The following TCF4 variants were observed in gnomAD, a reference collection of about 807,000 sequenced individuals.
TCF4 encodes transcription factor 4.
A neutral mutation model predicts 82.1 loss-of-function variants in TCF4; 3 were observed. That is an observed-to-expected ratio of 0.04 (90% CI 0.02 to 0.09). TCF4 has a LOEUF of 0.09. Among genes scored for constraint, TCF4 ranks in the 10% least tolerant of loss-of-function variants. TCF4 has a pLI of 1.00. For synonymous variants in TCF4, 276 were observed against 309.6 expected (o/e 0.89, Z 1.14); for missense variants, 518 against 852.7 (o/e 0.61, Z 4.89).
At chr18:55,513,251 T>C (rs1005462448) in intron 3 of TCF4, among the ~76,000 whole-genome samples, 2 of 152,142 alleles carry the variant, frequency 1.3e-5, no homozygotes, top group Admixed American at 1.3e-4. Context: ...ATAATTCCCA[T>C]GGGTTCTTTA....
intron 8 of TCF4, among the ~76,000 whole-genome samples, chr18:55,300,368 T>C (rs971914370): frequency 6.7e-6 from 1 of 148,298 alleles, no homozygotes; most frequent in African/African-American, 2.5e-5. Flanking sequence ...GTGGGCCACA[T>C]GTTCCTGGCG....
At chr18:55,634,226 G>T (rs2097734093) in intron 1 of TCF4, among the ~76,000 whole-genome samples, 1 of 151,890 alleles carries the variant, frequency 6.6e-6, no homozygotes, top group Non-Finnish European at 1.5e-5. Flanking sequence ...CCAAGATTGT[G>T]CCACTGCACT....
intron 8 of TCF4, among the ~76,000 whole-genome samples, chr18:55,348,140 G>A (rs2081579306): frequency 6.6e-6 from 1 of 152,134 alleles, no homozygotes. Context: ...AAGCCATGTG[G>A]ATCTTGTTGT....
intron 6 of TCF4, among the ~76,000 whole-genome samples, chr18:55,380,784 G>C (rs967359106): frequency 6.6e-6 from 1 of 152,176 alleles, no homozygotes; most frequent in Non-Finnish European, 1.5e-5. Flanking sequence ...CCCACGCAAT[G>C]CCTAAATATT....
intron 3 of TCF4, among the ~76,000 whole-genome samples, chr18:55,522,864 T>C (rs980845184): frequency 6.6e-6 from 1 of 152,048 alleles, no homozygotes; most frequent in Non-Finnish European, 1.5e-5. Flanking sequence ...CAAATTAAAA[T>C]GTACACTACA....
rs74182107 is a variant in TCF4, at chr18:55,617,811, CTGTGTGTGTGTGTGTGTG to C, written c.286+13469_286+13486del. ...ACTTTAGTGAATTCATTAATTCTAA[CTGTGTGTGTGTGTGTGTG>C]TGTGTGTGTGTGTGTGTGTGTAGTC... On this transcript the variant is annotated intron_variant, in intron 2 of 20. Coordinates refer to the TCF4 transcript ENST00000398339. 3.6e-5 allele frequency among the ~76,000 whole-genome samples: 5 copies of C among 140,682 alleles called. No homozygotes were observed. In the East Asian group the frequency reaches 8.5e-4, roughly 24 times the overall value. 92.3% of individuals were successfully genotyped at this position (140,682 alleles called of 152,430 possible). A position where few individuals can be genotyped will look rare whatever the true frequency, so the allele number is the denominator to read the frequency against.
chr18:55,399,318 C>T (rs1413220475), intron 6 of TCF4, among the ~76,000 whole-genome samples: 2 of 152,100 alleles, frequency 1.3e-5, no homozygotes, highest in Admixed American at 6.6e-5. Flanking sequence ...ATGTTTCCTC[C>T]CTGGTCTCCA....
intron 7 of TCF4, among the ~76,000 whole-genome samples, chr18:55,350,658 A>G (rs575106949): frequency 6.6e-6 from 1 of 152,158 alleles, no homozygotes; most frequent in Admixed American, 6.5e-5. Flanking sequence ...AGAGAAAACT[A>G]GACATAAGCA....
At chr18:55,464,334 G>A (rs563707141) in intron 3 of TCF4, among the ~76,000 whole-genome samples, 197 bp from the exon 4 acceptor site, 1 of 152,090 alleles carries the variant, frequency 6.6e-6, no homozygotes, top group Non-Finnish European at 1.5e-5. Flanking sequence ...AAATGAACTG[G>A]ACCCTCAGGA....
chr18:55,347,409 C>T lies in TCF4; in HGVS notation c.549+2950G>A, dbSNP rs138678424. On this transcript the variant is annotated intron_variant, in intron 8 of 19. Coordinates refer to ENST00000354452, the MANE Select transcript of TCF4 (RefSeq NM_001083962.2). ...GAGGGACAGGCTTCCCCCCGACACG[C>T]TGTGCTTGTCCTGTAGACCCTGCCT... Among the ~76,000 whole-genome samples the T allele has an allele frequency of 1.4e-3, 216 of 152,296 alleles. 1 individual carries two copies. Among genetic ancestry groups the T allele is most frequent in the African/African-American group, 4.0e-3 (167 of 41,560 alleles).
chr18:55,295,870 A>T (rs1452435995), intron 8 of TCF4, among the ~76,000 whole-genome samples: 2 of 152,126 alleles, frequency 1.3e-5, no homozygotes, highest in African/African-American at 2.4e-5. Context: ...CTCTAAGGCC[A>T]AATGTGGACT....
chr18:55,507,406 A>AT (rs2096774880), intron 3 of TCF4, among the ~76,000 whole-genome samples: 1 of 152,208 alleles, frequency 6.6e-6, no homozygotes, highest in Non-Finnish European at 1.5e-5. Flanking sequence ...CATGTCCCGG[A>AT]TGAGATGGCA....
At chr18:55,228,142 G>A in intron 19 of TCF4, 79 bp downstream of exon 19, 2 of 1,571,510 alleles carry the variant, frequency 1.3e-6, no homozygotes, top group Non-Finnish European at 1.7e-6. Context: ...GTCAATTTGG[G>A]TGAAATTCAC....
chr18:55,501,383 C>T (rs1033917698), intron 3 of TCF4, among the ~76,000 whole-genome samples: 70 of 151,948 alleles, frequency 4.6e-4, no homozygotes, highest in African/African-American at 1.7e-3. Flanking sequence ...TTTTTAACGG[C>T]TTTGTTTACA....
intron 8 of TCF4, among the ~76,000 whole-genome samples, chr18:55,304,381 A>G (rs917185433): frequency 2.6e-5 from 4 of 152,242 alleles, no homozygotes; most frequent in African/African-American, 9.6e-5. Context: ...AACAGAATGC[A>G]GTTTGTCAGA....
rs776969005 is a variant in TCF4 at position 55,279,573 on chromosome 18, G to C, written c.633C>G (p.Phe211Leu). Residue 211 changes from phenylalanine (F) to leucine (L), a missense_variant, in exon 9 of 20, where the codon TTC becomes TTG. This residue lies in a region of TCF4 where 211 missense variants were observed against 327.4 expected (regional missense o/e 0.64). Coordinates refer to ENST00000354452, the MANE Select transcript of TCF4 (RefSeq NM_001083962.2). ...YPSSKPATST[F>L]PSSFFMQDGH... is the part of the protein sequence containing the mutation. ...TACCTTGCATGAAGAAGGAGCTAGGGAAAGTGCTGGTTGCTGGTTTGGAGG... is the reference window on the plus strand; with the variant it reads ...TACCTTGCATGAAGAAGGAGCTAGGCAAAGTGCTGGTTGCTGGTTTGGAGG... 21 of 1,613,834 alleles carry C rather than the reference G, an allele frequency of 1.3e-5. No homozygotes were observed. Among genetic ancestry groups the C allele is most frequent in the Non-Finnish European group, 1.8e-5 (21 of 1,179,904 alleles).
At chr18:55,532,410 T>C (rs141308563) in intron 3 of TCF4, among the ~76,000 whole-genome samples, 220 of 152,224 alleles carry the variant, frequency 1.4e-3, no homozygotes, top group African/African-American at 5.1e-3. Flanking sequence ...TCCAAACCAA[T>C]CTCTTCCAAA....
At chr18:55,560,484 A>G (rs1026988602) in intron 3 of TCF4, among the ~76,000 whole-genome samples, 1 of 152,168 alleles carries the variant, frequency 6.6e-6, no homozygotes, top group African/African-American at 2.4e-5. Flanking sequence ...CATCTTACAA[A>G]TGAGGAAATT....
At chr18:55,371,199 C>G (rs1180651903) in intron 6 of TCF4, among the ~76,000 whole-genome samples, 4 of 152,194 alleles carry the variant, frequency 2.6e-5, no homozygotes, top group Non-Finnish European at 5.9e-5. Context: ...CTCCAGGAGG[C>G]AGCCAGTTAT....
Sources: gnomAD v4.1 joint callset for allele counts (sites outside exome capture counted in the v4.1 genomes callset) on GRCh38, gnomAD v4.1.1 for gene constraint, gnomAD v4.1.1 regional missense constraint, MANE v1.5 for transcripts, NCBI Gene and HGNC (gene_info 2026-07-23, HGNC 2026-07-21) for gene names.